PTPRN2: variants seen among roughly 807,000 people sequenced by gnomAD.
The protein encoded by PTPRN2 is receptor-type tyrosine-protein phosphatase N2.
A neutral mutation model predicts 118.8 loss-of-function variants in PTPRN2; 74 were observed. The ratio of observed to expected loss-of-function variants is 0.62; its 90% CI spans 0.52 to 0.76. The LOEUF is 0.76. Ranked by LOEUF, PTPRN2 falls within the 30% of genes least tolerant of loss-of-function variation. PTPRN2 has a pLI of 0.00. For missense variants in PTPRN2, 1,481 were observed against 1,394.4 expected (o/e 1.06, Z -0.99); for synonymous variants, 641 against 608.0 (o/e 1.05, Z -0.80).
At chr7:157,916,226 G>A (rs970201683) in intron 11 of PTPRN2, among the ~76,000 whole-genome samples, 3 of 152,214 alleles carry the variant, frequency 2.0e-5, no homozygotes, top group Non-Finnish European at 2.9e-5. Flanking sequence ...GCTTTCCCCA[G>A]GTTCTTCATC....
At chr7:158,165,880 G>C (rs368998547) in intron 6 of PTPRN2, among the ~76,000 whole-genome samples, 1 of 152,142 alleles carries the variant, frequency 6.6e-6, no homozygotes, top group African/African-American at 2.4e-5. Context: ...CGGAAGCCAC[G>C]GTCTTGGCAG....
At chr7:158,174,941 G>T (rs988876592) in intron 5 of PTPRN2, among the ~76,000 whole-genome samples, 1 of 152,062 alleles carries the variant, frequency 6.6e-6, no homozygotes, top group African/African-American at 2.4e-5. Flanking sequence ...CTCTTCCTTT[G>T]ACAAACATGC....
chr7:158,271,081 A>ACCCCCTCCACCTGGGCTG (rs1332260788), intron 3 of PTPRN2, among the ~76,000 whole-genome samples: 11 of 51,980 alleles, frequency 2.1e-4, no homozygotes, highest in Admixed American at 1.2e-3. Context: ...CACCTGGACG[A>ACCCCCTCCACCTGGGCTG]CCCCCTCCAC....
At chr7:157,887,171 C>T (rs1056028735) in intron 12 of PTPRN2, among the ~76,000 whole-genome samples, 2 of 152,146 alleles carry the variant, frequency 1.3e-5, no homozygotes, top group African/African-American at 2.4e-5. Context: ...AAAGGCTTAT[C>T]TGGGGTCCTC....
chr7:157,820,208 G>A (rs750471707), intron 12 of PTPRN2, among the ~76,000 whole-genome samples: 47 of 145,802 alleles, frequency 3.2e-4, no homozygotes, highest in Non-Finnish European at 6.4e-4. Flanking sequence ...GAACACAGCA[G>A]ACCCACACAG....
chr7:158,281,283 C>T (rs755829703), intron 3 of PTPRN2, among the ~76,000 whole-genome samples: 20 of 152,200 alleles, frequency 1.3e-4, no homozygotes, highest in African/African-American at 4.3e-4. Context: ...AGCAAGACTC[C>T]GTCTCAAAAA....
chr7:157,872,722 T>C (rs752987610), intron 12 of PTPRN2, among the ~76,000 whole-genome samples: 1 of 152,214 alleles, frequency 6.6e-6, no homozygotes, highest in Non-Finnish European at 1.5e-5. Flanking sequence ...AGAAGGAGGG[T>C]GCAGAGTCCC....
Position 158,131,527 on chromosome 7 carries a change from T to A in PTPRN2, c.1556+2150A>T, listed in dbSNP as rs555537393. 3.1e-4 allele frequency among the ~76,000 whole-genome samples: 40 copies of A among 127,422 alleles called. No individual in the cohort carries two copies. The East Asian group carries it at 5.7e-3, about 18-fold the overall frequency. 83.6% of individuals were successfully genotyped at this position (127,422 alleles called of 152,430 possible). On this transcript the variant is annotated intron_variant, in intron 9 of 22. Coordinates refer to ENST00000389418, the MANE Select transcript of PTPRN2 (RefSeq NM_002847.5). ...ATACACATCTACCCGACACACACACTCATACACACACACGGGTACATACAA... is the reference window on the plus strand; with the variant it reads ...ATACACATCTACCCGACACACACACACATACACACACACGGGTACATACAA...
chr7:157,656,351 G>C lies in PTPRN2; in HGVS notation c.2196+6C>G. On this transcript the variant is annotated splice_donor_region_variant and intron_variant, in intron 14 of 22. Coordinates refer to ENST00000389418, the MANE Select transcript of PTPRN2 (RefSeq NM_002847.5). ...GTGTGGCAGGGAGTGCAAAGACTGG[G>C]CTTACCAGGATCATGTGGCCGGTGG... The C allele has an allele frequency of 4.5e-6, 7 of 1,547,008 alleles. No individual in the cohort carries two copies. Among genetic ancestry groups the C allele is most frequent in the Non-Finnish European group, 6.1e-6 (7 of 1,143,640 alleles).
intron 13 of PTPRN2, among the ~76,000 whole-genome samples, chr7:157,669,809 C>T (rs1214001809): frequency 6.6e-6 from 1 of 152,198 alleles, no homozygotes; most frequent in African/African-American, 2.4e-5. Flanking sequence ...ATCCCTGCGG[C>T]GCCCAGAGCA....
At chr7:157,882,759 G>T (rs1796216706) in intron 12 of PTPRN2, among the ~76,000 whole-genome samples, 1 of 149,246 alleles carries the variant, frequency 6.7e-6, no homozygotes, top group South Asian at 2.1e-4. Context: ...CAAAATGACT[G>T]TCGGAGAACA....
At chr7:157,604,716 T>C (rs573444017) in intron 15 of PTPRN2, among the ~76,000 whole-genome samples, 6 of 152,308 alleles carry the variant, frequency 3.9e-5, no homozygotes, top group African/African-American at 7.2e-5. Flanking sequence ...AATGTACTGG[T>C]GGAGACTGGC....
chr7:157,866,244 T>A (rs1223790677), intron 12 of PTPRN2, among the ~76,000 whole-genome samples: 1 of 152,112 alleles, frequency 6.6e-6, no homozygotes, highest in African/African-American at 2.4e-5. Context: ...TGGGCATTTG[T>A]TTCATCAATT....
chr7:157,902,794 G>A (rs960045198), intron 11 of PTPRN2, among the ~76,000 whole-genome samples: 10 of 152,184 alleles, frequency 6.6e-5, no homozygotes, highest in Non-Finnish European at 1.2e-4. Flanking sequence ...TCCAAAGCAC[G>A]TGCTGTGGTT....
intron 12 of PTPRN2, among the ~76,000 whole-genome samples, chr7:157,783,335 A>C (rs1041999873): frequency 6.6e-6 from 1 of 151,606 alleles, no homozygotes; most frequent in African/African-American, 2.4e-5. Flanking sequence ...TATGTAATGC[A>C]CAATGGACAC....
chr7:158,520,527 G>A (rs995409563), intron 1 of PTPRN2, among the ~76,000 whole-genome samples: 1 of 152,134 alleles, frequency 6.6e-6, no homozygotes, highest in East Asian at 1.9e-4. Context: ...GAGGCCCCTG[G>A]AGAAACACTC....
intron 2 of PTPRN2, among the ~76,000 whole-genome samples, chr7:158,457,229 C>T (rs189874204): frequency 1.4e-3 from 210 of 152,262 alleles, no homozygotes; most frequent in African/African-American, 4.7e-3. Flanking sequence ...TTCCTGAAAG[C>T]GTCCTTATCT....
At chr7:158,032,793 C>T (rs1807786638) in intron 11 of PTPRN2, among the ~76,000 whole-genome samples, 1 of 152,166 alleles carries the variant, frequency 6.6e-6, no homozygotes, top group Admixed American at 6.5e-5. Context: ...AACCCAGGAC[C>T]ACAACGGCCC....
At chr7:158,290,250 G>A (rs1800029686) in intron 3 of PTPRN2, among the ~76,000 whole-genome samples, 1 of 152,158 alleles carries the variant, frequency 6.6e-6, no homozygotes, top group Admixed American at 6.5e-5. Flanking sequence ...GGAGCCTGGA[G>A]CACTGGGGAC....
Sources: gnomAD v4.1 joint callset for allele counts (sites outside exome capture counted in the v4.1 genomes callset) on GRCh38, gnomAD v4.1.1 for gene constraint, MANE v1.5 for transcripts, NCBI Gene and HGNC (gene_info 2026-07-23, HGNC 2026-07-21) for gene names.